The following GRM1 variants were observed in gnomAD, a reference collection of about 807,000 sequenced individuals.
GRM1 encodes the protein glutamate metabotropic receptor 1.
A neutral mutation model predicts 90.9 loss-of-function variants in GRM1; 33 were observed. That is an observed-to-expected ratio of 0.36 (90% CI 0.28 to 0.49). GRM1 has a LOEUF of 0.49. Ranked by LOEUF, GRM1 falls within the 20% of genes least tolerant of loss-of-function variation. The pLI is 0.99. For synonymous variants in GRM1, 700 were observed against 613.2 expected, an observed-to-expected ratio of 1.14 and a Z score of -2.09; for missense variants, 1,190 against 1,534.3, an observed-to-expected ratio of 0.78 and a Z score of 3.75.
At chr6:146,043,163 C>T (rs138460784) in intron 1 of GRM1, among the ~76,000 whole-genome samples, 284 of 151,964 alleles carry the variant, frequency 1.9e-3, no homozygotes, top group African/African-American at 6.2e-3. Flanking sequence ...TGCATGGTGG[C>T]GTGCACCTGT....
intron 5 of GRM1, among the ~76,000 whole-genome samples, chr6:146,367,841 G>C (rs1054761649): frequency 6.6e-6 from 1 of 151,980 alleles, no homozygotes; most frequent in Non-Finnish European, 1.5e-5. Flanking sequence ...GCTTGATTCT[G>C]TGTTTTTGCT....
chr6:146,067,465 A>G (rs980009107), intron 1 of GRM1, among the ~76,000 whole-genome samples: 1 of 152,168 alleles, frequency 6.6e-6, no homozygotes, highest in Non-Finnish European at 1.5e-5. Context: ...AAACATATAA[A>G]TATCCTTCTG....
intron 5 of GRM1, among the ~76,000 whole-genome samples, chr6:146,365,832 A>G (rs1194997287): frequency 6.6e-6 from 1 of 152,162 alleles, no homozygotes; most frequent in Non-Finnish European, 1.5e-5. Context: ...CGAGGACCAG[A>G]GTGAGGCAGG....
At chr6:146,030,257 C>A in intron 1 of GRM1, 40 bp downstream of exon 1, 2 of 1,280,244 alleles carry the variant, frequency 1.6e-6, no homozygotes, top group East Asian at 4.6e-5. Context: ...CTGAGAAAGT[C>A]AGGGCAATGC....
In GRM1 at chr6:146,235,834, C is replaced by T. The variant is rs376276640; in HGVS notation, c.951-68777C>T. ...TGATCTATCTGATCATGTCTGTTGT[C>T]CACCTTTTTCACTAGAGCCCTTTAC... On this transcript the variant is annotated intron_variant, in intron 2 of 7. Coordinates refer to ENST00000282753, the MANE Select transcript of GRM1 (RefSeq NM_001278064.2). Among the ~76,000 whole-genome samples the T allele has an allele frequency of 5.5e-4, 83 of 151,192 alleles. No homozygotes were observed. The South Asian group carries it at 0.013, about 23-fold the overall frequency.
Position 146,249,873 on chromosome 6 carries a change from G to A in GRM1, c.951-54738G>A, listed in dbSNP as rs543351205. On this transcript the variant is annotated intron_variant, in intron 2 of 7. Transcript: ENST00000282753. The stretch of plus-strand genomic sequence containing the variant: ...GAGGGCTATACCCTGCAGAGCCACA[G>A]GGGTGGAACATCCCAAGGGCTTGGG... Among the ~76,000 whole-genome samples the A allele has an allele frequency of 1.8e-3, 275 of 152,324 alleles. 2 individuals carry two copies. Among genetic ancestry groups the A allele is most frequent in the African/African-American group, 6.1e-3 (252 of 41,590 alleles).
intron 1 of GRM1, among the ~76,000 whole-genome samples, chr6:146,083,820 C>T (rs1331797050): frequency 6.6e-6 from 1 of 152,172 alleles, no homozygotes; most frequent in Non-Finnish European, 1.5e-5. Flanking sequence ...ACTAGCTCCA[C>T]TTTGTACCTC....
rs766941934 is a variant in GRM1 at position 146,398,762 on chromosome 6, A to T, written c.1730-7A>T. On this transcript the variant is annotated splice_region_variant and splice_polypyrimidine_tract_variant and intron_variant, in intron 6 of 7. Transcript: ENST00000282753. The stretch of plus-strand genomic sequence containing the variant: ...GATTCATGCTCAAATGATTTTTCTC[A>T]TCACAGGCTGTGAGCCCATTCCTGT... 5.0e-6 allele frequency: 8 copies of T among 1,597,070 alleles called. No homozygotes were observed. Among genetic ancestry groups the T allele is most frequent in the Non-Finnish European group, 6.9e-6 (8 of 1,164,398 alleles).
intron 1 of GRM1, 85 bp downstream of exon 1, chr6:146,030,302 T>C (rs934991568): frequency 5.0e-6 from 5 of 993,478 alleles, no homozygotes; most frequent in African/African-American, 4.7e-5. Flanking sequence ...ATTGTTCCTG[T>C]TTATTTCTAG....
At chr6:146,232,678 C>G (rs1780488925) in intron 2 of GRM1, among the ~76,000 whole-genome samples, 1 of 152,014 alleles carries the variant, frequency 6.6e-6, no homozygotes, top group Non-Finnish European at 1.5e-5. Context: ...CTCCAGCCCC[C>G]CAATACCCTT....
intron 3 of GRM1, among the ~76,000 whole-genome samples, chr6:146,350,702 A>G (rs1189186533): frequency 3.3e-5 from 5 of 152,258 alleles, no homozygotes; most frequent in East Asian, 1.9e-4. Context: ...TGAATCTGCA[A>G]TTTTTGGAAG....
chr6:146,269,649 G>A (rs909470932), intron 2 of GRM1, among the ~76,000 whole-genome samples: 12 of 152,156 alleles, frequency 7.9e-5, no homozygotes, highest in African/African-American at 2.7e-4. Flanking sequence ...CAGCAGATCA[G>A]CAGGGTCATT....
chr6:146,182,514 C>A (rs901652331), intron 2 of GRM1, among the ~76,000 whole-genome samples: 2 of 149,588 alleles, frequency 1.3e-5, no homozygotes, highest in Non-Finnish European at 2.9e-5. Flanking sequence ...GGAGAACAGG[C>A]AAAATTCTAA....
chr6:146,180,839 T>C (rs1365178025), intron 2 of GRM1, among the ~76,000 whole-genome samples: 3 of 152,190 alleles, frequency 2.0e-5, no homozygotes, highest in African/African-American at 7.2e-5. Context: ...TTCTCTAATA[T>C]GTGACTTTAA....
At chr6:146,408,705 G>A (rs1202279375) in intron 7 of GRM1, among the ~76,000 whole-genome samples, 1 of 152,202 alleles carries the variant, frequency 6.6e-6, no homozygotes, top group East Asian at 1.9e-4. Context: ...TCTGCTGGAA[G>A]TGGAGGCATG....
chr6:146,267,040 TC>T lies in GRM1; in HGVS notation c.951-37566del, dbSNP rs766581750. ...TAGCTATTCTTCCTGATGCTCTCCCTCCCCCTACCCTCCAACAGGCCCCAAT... is the reference window on the plus strand; with the variant it reads ...TAGCTATTCTTCCTGATGCTCTCCCTCCCCTACCCTCCAACAGGCCCCAAT... On this transcript the variant is annotated intron_variant, in intron 2 of 7. Coordinates refer to ENST00000282753, the MANE Select transcript of GRM1 (RefSeq NM_001278064.2). 5.7e-4 allele frequency among the ~76,000 whole-genome samples: 86 copies of T among 152,162 alleles called. 2 individuals are homozygous for T. The Middle Eastern group carries it at 0.031, about 54-fold the overall frequency.
intron 2 of GRM1, among the ~76,000 whole-genome samples, chr6:146,244,595 C>G (rs944296584): frequency 6.6e-6 from 1 of 152,196 alleles, no homozygotes; most frequent in African/African-American, 2.4e-5. Flanking sequence ...TCTATTCCAG[C>G]TACTTCATTG....
chr6:146,260,094 T>C (rs190575166), intron 2 of GRM1, among the ~76,000 whole-genome samples: 24 of 152,132 alleles, frequency 1.6e-4, no homozygotes, highest in Admixed American at 1.4e-3. Context: ...TGTGCCCTGA[T>C]GGTTTGCTGC....
At chr6:146,423,427 C>A (rs1408286158) in intron 7 of GRM1, among the ~76,000 whole-genome samples, 1 of 151,198 alleles carries the variant, frequency 6.6e-6, no homozygotes, top group Non-Finnish European at 1.5e-5. Context: ...AAGTGAAAGT[C>A]GGAGACCAAA....
Sources: gnomAD v4.1 joint callset for allele counts (sites outside exome capture counted in the v4.1 genomes callset) on GRCh38, gnomAD v4.1.1 for gene constraint, MANE v1.5 for transcripts, NCBI Gene and HGNC (gene_info 2026-07-23, HGNC 2026-07-21) for gene names.